Variants in ADGRB3 observed in about 807,000 individuals in gnomAD.
The protein encoded by ADGRB3 is adhesion G protein-coupled receptor B3, also known as brain-specific angiogenesis inhibitor 3.
ADGRB3 carries 37 observed loss-of-function variants against 193.4 expected under a neutral mutation model. The ratio of observed to expected loss-of-function variants is 0.19; its 90% CI spans 0.15 to 0.25. The LOEUF (loss-of-function observed/expected upper bound fraction) is 0.25, where lower values mean the gene tolerates loss of function less well. ADGRB3 is among the 10% of genes least tolerant of loss of function. The pLI is 1.00. For synonymous variants in ADGRB3, 690 were observed against 644.2 expected (o/e 1.07, Z -1.08); for missense variants, 1,637 against 1,852.9 (o/e 0.88, Z 2.14).
In ADGRB3 at chr6:69,214,339, C is replaced by T. The variant is rs571838345; in HGVS notation, c.2481-18951C>T. The stretch of plus-strand genomic sequence containing the variant: ...GGTACCTGATATGGCTTTTCAGCAG[C>T]CCTTGAGTATTGTAGTCAGTGCTGC... On this transcript the variant is annotated intron_variant, in intron 17 of 31. Coordinates refer to ENST00000370598, the MANE Select transcript of ADGRB3 (RefSeq NM_001704.3). Among the ~76,000 whole-genome samples the T allele has an allele frequency of 3.3e-5, 5 of 152,192 alleles. No homozygotes were observed. The South Asian group carries it at 1.0e-3, about 32-fold the overall frequency.
At chr6:69,021,013 T>C (rs1770248018) in intron 13 of ADGRB3, among the ~76,000 whole-genome samples, 1 of 152,022 alleles carries the variant, frequency 6.6e-6, no homozygotes, top group Admixed American at 6.6e-5. Flanking sequence ...TATTTTATAG[T>C]AGAAAGTTGT....
At chr6:69,279,071 GTATATATATATATATATATA>G (rs57824884) in intron 20 of ADGRB3, among the ~76,000 whole-genome samples, 732 of 71,370 alleles carry the variant, frequency 0.01, 26 homozygotes, top group African/African-American at 0.029. Flanking sequence ...AAATACATAT[GTATATATATATATATATATA>G]TATATATATA....
At chr6:68,985,406 G>T (rs1170700560) in intron 10 of ADGRB3, among the ~76,000 whole-genome samples, 1 of 152,112 alleles carries the variant, frequency 6.6e-6, no homozygotes, top group Non-Finnish European at 1.5e-5. Flanking sequence ...TTAGAGAGAG[G>T]CAAAGAAGTA....
chr6:68,746,212 T>C (rs1766080985), intron 3 of ADGRB3, among the ~76,000 whole-genome samples: 1 of 152,018 alleles, frequency 6.6e-6, no homozygotes, highest in African/African-American at 2.4e-5. Context: ...TTAAAATGTT[T>C]ACTAATGTAA....
At chr6:68,668,135 A>C (rs1768846497) in intron 3 of ADGRB3, among the ~76,000 whole-genome samples, 1 of 152,002 alleles carries the variant, frequency 6.6e-6, no homozygotes, top group Non-Finnish European at 1.5e-5. Context: ...TTGGTTCCAA[A>C]CTGTAGCAGC....
intron 3 of ADGRB3, among the ~76,000 whole-genome samples, chr6:68,883,007 C>A (rs905533653): frequency 6.6e-6 from 1 of 152,106 alleles, no homozygotes; most frequent in African/African-American, 2.4e-5. Flanking sequence ...CATTCTCCTG[C>A]CTCAGCCTCC....
Position 68,943,895 on chromosome 6 carries a change from A to C in ADGRB3, c.1096A>C (p.Arg366=). The C allele has an allele frequency of 2.5e-6, 4 of 1,613,972 alleles. No homozygotes were observed. The highest frequency in any genetic ancestry group is 3.4e-6 in the Non-Finnish European group (4 of 1,179,868). ...LCSFTCGRGQ[R]TRTRSCTPPQ... is the part of the protein sequence containing the mutation. The stretch of plus-strand genomic sequence containing the variant: ...TTCATTTACATGTGGTCGAGGCCAA[A>C]GAACAAGAACAAGGTCATGCACACC... Residue 366 remains arginine (R), a synonymous_variant, in exon 6 of 32, where the codon AGA becomes CGA. Transcript: ENST00000370598.
chr6:68,731,944 T>G (rs1765783927), intron 3 of ADGRB3, among the ~76,000 whole-genome samples: 1 of 151,694 alleles, frequency 6.6e-6, no homozygotes, highest in Non-Finnish European at 1.5e-5. Flanking sequence ...TCTTAAGGTT[T>G]GAGGTTGTTT....
chr6:69,250,684 C>T (rs1766600218), intron 20 of ADGRB3, among the ~76,000 whole-genome samples: 1 of 152,180 alleles, frequency 6.6e-6, no homozygotes, highest in Non-Finnish European at 1.5e-5. Context: ...TGTAAACTGA[C>T]TCATCATTCC....
intron 3 of ADGRB3, among the ~76,000 whole-genome samples, chr6:68,913,750 A>G (rs976815774): frequency 6.6e-6 from 1 of 152,218 alleles, no homozygotes; most frequent in Non-Finnish European, 1.5e-5. Context: ...ACTCCGAACT[A>G]CAGGAGGAAA....
chr6:69,014,476 A>G (rs1267957624), intron 12 of ADGRB3, among the ~76,000 whole-genome samples: 2 of 152,050 alleles, frequency 1.3e-5, no homozygotes, highest in African/African-American at 4.8e-5. Context: ...TGCATTTACT[A>G]CAATGCTACA....
At chr6:69,147,777 C>T (rs1774546889) in intron 17 of ADGRB3, among the ~76,000 whole-genome samples, 1 of 152,148 alleles carries the variant, frequency 6.6e-6, no homozygotes, top group Non-Finnish European at 1.5e-5. Context: ...TGGGGTCTAT[C>T]TCTCACTTTA....
intron 20 of ADGRB3, among the ~76,000 whole-genome samples, chr6:69,255,909 C>A (rs1766758070): frequency 1.3e-5 from 2 of 152,160 alleles, no homozygotes; most frequent in Admixed American, 1.3e-4. Flanking sequence ...CCGGTTTCAG[C>A]TTTCTACATA....
At chr6:68,954,437 A>C (rs78286095) in intron 6 of ADGRB3, among the ~76,000 whole-genome samples, 1 of 152,150 alleles carries the variant, frequency 6.6e-6, no homozygotes, top group East Asian at 1.9e-4. Flanking sequence ...ATTACATTCC[A>C]GTCATCAGAA....
At chr6:69,363,169 G>A (rs1272292074) in intron 29 of ADGRB3, among the ~76,000 whole-genome samples, 9 of 151,748 alleles carry the variant, frequency 5.9e-5, no homozygotes, top group Non-Finnish European at 1.0e-4. Context: ...CCAAATTTCC[G>A]TATCCTTATT....
intron 6 of ADGRB3, among the ~76,000 whole-genome samples, chr6:68,947,546 T>G (rs1378222007): frequency 1.3e-5 from 2 of 152,164 alleles, no homozygotes; most frequent in Non-Finnish European, 2.9e-5. Context: ...TTAAAGGACA[T>G]TTTCTATGTC....
chr6:68,797,927 G>A (rs2206834), intron 3 of ADGRB3, among the ~76,000 whole-genome samples: 109,752 of 151,992 alleles, frequency 0.72, 39,945 homozygotes, highest in Middle Eastern at 0.89. Context: ...AGTTTGACTC[G>A]TTCTAACTAG....
intron 17 of ADGRB3, among the ~76,000 whole-genome samples, chr6:69,197,542 A>C (rs1296948050): frequency 6.6e-6 from 1 of 152,052 alleles, no homozygotes; most frequent in Non-Finnish European, 1.5e-5. Context: ...TGAGCATAAT[A>C]ATTCACGGAA....
intron 3 of ADGRB3, 39 bp downstream of exon 3, chr6:68,639,471 C>A: frequency 6.5e-7 from 1 of 1,531,246 alleles, no homozygotes; most frequent in Non-Finnish European, 8.7e-7. Context: ...CGGGGGAGCA[C>A]TTTTGGGGGA....
Sources: gnomAD v4.1 joint callset for allele counts (sites outside exome capture counted in the v4.1 genomes callset) on GRCh38, gnomAD v4.1.1 for gene constraint, MANE v1.5 for transcripts, NCBI Gene and HGNC (gene_info 2026-07-23, HGNC 2026-07-21) for gene names.